The following PDE3B variants were observed in gnomAD, a reference collection of about 807,000 sequenced individuals.
PDE3B encodes cGMP-inhibited 3',5'-cyclic phosphodiesterase 3B.
A neutral mutation model predicts 116.8 loss-of-function variants in PDE3B; 66 were observed. The ratio of observed to expected loss-of-function variants is 0.56; its 90% CI spans 0.46 to 0.69. PDE3B has a LOEUF of 0.69. PDE3B is among the 30% of genes least tolerant of loss of function. The pLI, the probability that PDE3B is intolerant of heterozygous loss-of-function variation, is 0.00. For missense variants in PDE3B, 1,384 were observed against 1,368.1 expected (o/e 1.01, Z -0.18); for synonymous variants, 595 against 533.6 (o/e 1.12, Z -1.59).
chr11:14,730,889 C>G (rs973257391), intron 1 of PDE3B, among the ~76,000 whole-genome samples: 2 of 152,150 alleles, frequency 1.3e-5, no homozygotes, highest in Non-Finnish European at 2.9e-5. Context: ...AGCAGTTATT[C>G]TCATTTTAGA....
intron 13 of PDE3B, among the ~76,000 whole-genome samples, chr11:14,860,225 T>C (rs7116978): frequency 0.65 from 98,927 of 151,982 alleles, 32,311 homozygotes; most frequent in Middle Eastern, 0.71. Context: ...GATTATCTAA[T>C]ACAATACTTT....
At chr11:14,791,918 T>C (rs1858401320) in intron 4 of PDE3B, among the ~76,000 whole-genome samples, 1 of 152,214 alleles carries the variant, frequency 6.6e-6, no homozygotes, top group Admixed American at 6.6e-5. Flanking sequence ...TAAGGCAATG[T>C]AAATGCTATG....
chr11:14,890,844 G>T, the PDE3B span: 1 of 984,920 alleles, frequency 1.0e-6, no homozygotes, highest in Non-Finnish European at 1.2e-6. Context: ...CACCGCGCCC[G>T]GGCACCTAGA....
chr11:14,824,241 GGTCA>G (rs1469085575), intron 7 of PDE3B, among the ~76,000 whole-genome samples: 1 of 152,144 alleles, frequency 6.6e-6, no homozygotes, highest in East Asian at 1.9e-4. Context: ...CAACCTAAAT[GGTCA>G]GTATCTTATG....
At chr11:14,756,159 C>A (rs1857175105) in intron 1 of PDE3B, among the ~76,000 whole-genome samples, 1 of 151,996 alleles carries the variant, frequency 6.6e-6, no homozygotes, top group African/African-American at 2.4e-5. Flanking sequence ...TTCTAGTGAA[C>A]TTTATTTATA....
chr11:14,873,918 T>C (rs1338161316), downstream of PDE3B, among the ~76,000 whole-genome samples: 3 of 152,104 alleles, frequency 2.0e-5, no homozygotes, highest in South Asian at 4.1e-4. Context: ...CTGGGTGTGG[T>C]GGTTCACGCT....
chr11:14,804,332 G>A (rs1325789896), intron 5 of PDE3B, among the ~76,000 whole-genome samples: 1 of 151,486 alleles, frequency 6.6e-6, no homozygotes, highest in Non-Finnish European at 1.5e-5. Context: ...TGCAGACCCA[G>A]GACAAGGGAA....
intron 1 of PDE3B, among the ~76,000 whole-genome samples, chr11:14,678,255 G>T (rs1480097397): frequency 2.0e-5 from 3 of 149,778 alleles, no homozygotes; most frequent in Non-Finnish European, 3.0e-5. Context: ...GAATATTTAG[G>T]TTTTTTTTTT....
In PDE3B at chr11:14,870,585, T is replaced by C. The variant is rs563094668; in HGVS notation, c.*925T>C. ...TCAAAGATACAGAAAAAAAGAAATA[T>C]AGTGAGCCCTAAAGGACACATACAT... is the stretch of plus-strand genomic sequence containing the variant. On this transcript the variant is annotated 3_prime_UTR_variant, in exon 16 of 16. Transcript: ENST00000282096. This position sits in a 1 kb window ranked among gnomAD's most constrained non-coding sequence, Gnocchi z 4.1. The C allele has an allele frequency of 3.3e-5, 5 of 152,572 alleles. No individual in the cohort carries two copies. The highest frequency in any genetic ancestry group is 1.2e-4 in the African/African-American group (5 of 41,564). 9.5% of individuals were successfully genotyped at this position (152,572 alleles called of 1,614,324 possible).
At chr11:14,779,017 G>A (rs537642587) in intron 2 of PDE3B, among the ~76,000 whole-genome samples, 7 of 152,216 alleles carry the variant, frequency 4.6e-5, no homozygotes, top group East Asian at 1.9e-4. Context: ...TGAGAACTGC[G>A]TGACACATGC....
At chr11:14,655,589 A>T (rs1853695535) in intron 1 of PDE3B, among the ~76,000 whole-genome samples, 1 of 152,158 alleles carries the variant, frequency 6.6e-6, no homozygotes, top group African/African-American at 2.4e-5. Context: ...GTAGACTCAG[A>T]TGTGCAGACT....
At chr11:14,789,303 A>G (rs1774076097) in intron 4 of PDE3B, 61 bp downstream of exon 4, 11 of 1,314,416 alleles carry the variant, frequency 8.4e-6, no homozygotes, top group African/African-American at 5.9e-5. Context: ...GTTTCTGTCA[A>G]TAATGTTTCA....
the PDE3B span, among the ~76,000 whole-genome samples, chr11:14,879,726 T>C: frequency 1.3e-5 from 2 of 152,166 alleles, no homozygotes; most frequent in Non-Finnish European, 2.9e-5. Flanking sequence ...ATATATGCTA[T>C]ATATCTTGTT....
chr11:14,831,303 G>GT (rs540595470), intron 8 of PDE3B, among the ~76,000 whole-genome samples: 59 of 151,188 alleles, frequency 3.9e-4, no homozygotes, highest in African/African-American at 1.3e-3. Flanking sequence ...TAAGGATATG[G>GT]TTTTTTTTCC....
rs751205256 is a variant in PDE3B at position 14,644,826 on chromosome 11, C to T, written c.751C>T (p.Leu251=). The T allele has an allele frequency of 1.1e-5, 18 of 1,611,990 alleles. No individual in the cohort carries two copies. The South Asian group carries it at 1.7e-4, about 15-fold the overall frequency. The stretch of plus-strand genomic sequence containing the variant: ...CGCCCTCAGGCCGCTGCTCTCCGGC[C>T]TGGTGGGGGGCGCTGGCTGCCTGCT... The part of the protein sequence containing the change: ...PSALRPLLSG[L]VGGAGCLLAL... The change falls in exon 1 of 16, where the codon CTG becomes TTG. Residue 251 remains leucine, a synonymous_variant. Coordinates refer to ENST00000282096, the MANE Select transcript of PDE3B (RefSeq NM_000922.4).
At chr11:14,866,864 T>C (rs1848056819) in intron 14 of PDE3B, among the ~76,000 whole-genome samples, 1 of 152,160 alleles carries the variant, frequency 6.6e-6, no homozygotes, top group South Asian at 2.1e-4. Context: ...ACACAGTGCA[T>C]TTGTACATAG....
intron 1 of PDE3B, among the ~76,000 whole-genome samples, chr11:14,695,175 G>A (rs1855166581): frequency 6.6e-6 from 1 of 152,042 alleles, no homozygotes; most frequent in African/African-American, 2.4e-5. Flanking sequence ...ATTCAAAAAA[G>A]GCAAAACAAT....
At chr11:14,769,394 T>C (rs1026266377) in intron 1 of PDE3B, among the ~76,000 whole-genome samples, 1 of 151,184 alleles carries the variant, frequency 6.6e-6, no homozygotes, top group Non-Finnish European at 1.5e-5. Context: ...TAGAGACCTT[T>C]AAGAGTCCAG....
At chr11:14,653,459 G>A (rs768261863) in intron 1 of PDE3B, among the ~76,000 whole-genome samples, 5 of 151,986 alleles carry the variant, frequency 3.3e-5, no homozygotes, top group Non-Finnish European at 7.4e-5. Context: ...TCCGCCCTCG[G>A]GAGGCTGAGG....
Sources: allele counts gnomAD v4.1 joint callset (sites outside exome capture counted in the v4.1 genomes callset), GRCh38; gene constraint gnomAD v4.1.1; non-coding constraint Gnocchi (gnomAD v3.1); transcripts MANE v1.5; gene names NCBI Gene and HGNC (gene_info 2026-07-23, HGNC 2026-07-21).